CCDC59: variants seen among roughly 807,000 people sequenced by gnomAD.
CCDC59 encodes coiled-coil domain containing 59.
A neutral mutation model predicts 30.5 loss-of-function variants in CCDC59; 27 were observed. That is an observed-to-expected ratio of 0.89 (90% CI 0.65 to 1.22). The LOEUF (loss-of-function observed/expected upper bound fraction) is 1.22, where lower values mean the gene tolerates loss of function less well. CCDC59 is among the 50% of genes most tolerant of loss of function. CCDC59 has a pLI of 0.00. For synonymous variants in CCDC59, 125 were observed against 100.9 expected (o/e 1.24, Z -1.43); for missense variants, 362 against 284.4 (o/e 1.27, Z -1.96).
chr12:82,355,129 C>T (rs1880969903), intron 2 of CCDC59: 1 of 152,532 alleles, frequency 6.6e-6, no homozygotes. Context: ...TTTCACTATA[C>T]TCTGTAACTA....
chr12:82,358,783 C>T (rs1391698848), upstream of CCDC59: 8 of 1,613,584 alleles, frequency 5.0e-6, no homozygotes, highest in East Asian at 2.2e-5. Context: ...GAGGCCCTGC[C>T]CTCAGAGACG....
In CCDC59 at chr12:82,353,388, A is replaced by G. The variant is rs116674865; in HGVS notation, c.565-76T>C. On this transcript the variant is annotated intron_variant, in intron 3 of 3. Coordinates refer to ENST00000256151, the MANE Select transcript of CCDC59 (RefSeq NM_014167.5). ...GTTCAGAAATTGTCTTGAAATAGCT[A>G]TTACTAAGCAAACACTCTAAGGTTT... The G allele has an allele frequency of 7.1e-4, 827 of 1,161,982 alleles. 4 individuals carry two copies. The African/African-American group carries it at 0.012, about 17-fold the overall frequency. 72.0% of individuals were successfully genotyped at this position (1,161,982 alleles called of 1,614,324 possible).
rs1212708188 is a variant in CCDC59, at chr12:82,352,870, A to C, written c.*281T>G. On this transcript the variant is annotated 3_prime_UTR_variant, in exon 4 of 4. Transcript: ENST00000256151. ...ATTTTTAAAAAATTTATTTCATATA[A>C]ATCTCATATGGTACAAAAGTATTAC... The C allele has an allele frequency of 3.6e-5, 8 of 222,130 alleles. No homozygotes were observed. Among genetic ancestry groups the C allele is most frequent in the Non-Finnish European group, 6.1e-5 (7 of 114,836 alleles). The allele number at this position is 222,130 out of a possible 1,614,324, so 13.8% of individuals were successfully genotyped here. A position where few individuals can be genotyped will look rare whatever the true frequency, so the allele number is the denominator to read the frequency against.
chr12:82,354,125 T>A (rs992286666), intron 3 of CCDC59, among the ~76,000 whole-genome samples: 7 of 152,070 alleles, frequency 4.6e-5, no homozygotes, highest in Admixed American at 4.6e-4. Flanking sequence ...GTTATGAAAA[T>A]CATCTATATT....
chr12:82,356,959 C>T lies in CCDC59; in HGVS notation c.464+1G>A. 7 of 1,596,024 alleles carry T rather than the reference C, an allele frequency of 4.4e-6. No individual in the cohort carries two copies. The highest frequency in any genetic ancestry group is 5.1e-6 in the Non-Finnish European group (6 of 1,166,112). On this transcript the variant is annotated splice_donor_variant, in intron 2 of 3. Coordinates refer to ENST00000256151, the MANE Select transcript of CCDC59 (RefSeq NM_014167.5). LOFTEE classifies it high-confidence loss of function. ...GGATTTCAAATGAAGAAAATACATA[C>T]TTTACTGTTTTAATACATTGTTCTT... is the stretch of plus-strand genomic sequence containing the variant.
chr12:82,358,792 C>T, upstream of CCDC59: 1 of 1,613,284 alleles, frequency 6.2e-7, no homozygotes, highest in Non-Finnish European at 8.5e-7. Flanking sequence ...CCCTCAGAGA[C>T]GCGCCCCCTA....
chr12:82,353,158 T>G lies in CCDC59; in HGVS notation c.719A>C (p.Lys240Thr), dbSNP rs754562723. 2 of 1,599,444 alleles carry G rather than the reference T, an allele frequency of 1.3e-6. No individual in the cohort carries two copies. The highest frequency in any genetic ancestry group is 1.8e-5 in the Admixed American group (1 of 56,860). Residue 240 changes from lysine to threonine, a missense_variant, in exon 4 of 4, where the codon AAA becomes ACA. Lys to Thr is a moderately conservative substitution (Grantham distance 78). Coordinates refer to ENST00000256151, the MANE Select transcript of CCDC59 (RefSeq NM_014167.5). ...CCTGTAGGAACAAAATGTTTAACAT[T>G]TTTCTTGTATTTTTTGAAGAAGGTA... ...MEYLLQKIQE[K>T]C
In CCDC59 at chr12:82,354,581, G is replaced by A. The variant is rs1206606632; in HGVS notation, c.478C>T (p.Pro160Ser). 10 of 1,577,444 alleles carry A rather than the reference G, an allele frequency of 6.3e-6. No individual in the cohort carries two copies. Among genetic ancestry groups the A allele is most frequent in the South Asian group, 1.2e-5 (1 of 86,856 alleles). ...GATGTTTTCTTTTTATTTTTCTTTGGAATTGTAAAGGAGCTTTTAATTGGG... is the reference window on the plus strand; with the variant it reads ...GATGTTTTCTTTTTATTTTTCTTTGAAATTGTAAAGGAGCTTTTAATTGGG... ...CIKTVNSFTI[P>S]KKNKKKTSNQ... Residue 160 changes from proline (P) to serine (S), a missense_variant, in exon 3 of 4, where the codon CCA becomes TCA. Coordinates refer to ENST00000256151, the MANE Select transcript of CCDC59 (RefSeq NM_014167.5).
At chr12:82,357,335 T>C in intron 1 of CCDC59, 66 bp from the exon 2 acceptor site, 1 of 1,345,202 alleles carries the variant, frequency 7.4e-7, no homozygotes, top group Non-Finnish European at 1.0e-6. Flanking sequence ...AATGGAGCTG[T>C]TAATTACAAA....
rs539941894 is a variant in CCDC59, at chr12:82,353,021, G to A, written c.*130C>T. ...AAATTTTTTACCATAATAAAAATATGTGAACATCTTATATTTAGCATAGTT... is the reference window on the plus strand; with the variant it reads ...AAATTTTTTACCATAATAAAAATATATGAACATCTTATATTTAGCATAGTT... On this transcript the variant is annotated 3_prime_UTR_variant, in exon 4 of 4. Transcript: ENST00000256151. 7.7e-6 allele frequency: 5 copies of A among 645,308 alleles called. No homozygotes were observed. In the East Asian group the frequency reaches 1.2e-4, roughly 15 times the overall value. 40.0% of individuals were successfully genotyped at this position (645,308 alleles called of 1,614,324 possible).
At chr12:82,358,667 C>T, upstream of CCDC59, 3 of 1,614,166 alleles carry the variant, frequency 1.9e-6, no homozygotes, top group African/African-American at 1.3e-5. Context: ...TGTCCATTTC[C>T]AATGCACATA....
Position 82,358,319 on chromosome 12 carries a change from C to T in CCDC59, c.58G>A (p.Glu20Lys). The T allele has an allele frequency of 6.2e-7, 1 of 1,614,160 alleles. No individual in the cohort carries two copies. Among genetic ancestry groups the T allele is most frequent in the South Asian group, 1.1e-5 (1 of 91,090 alleles). Residue 20 changes from glutamate to lysine, a missense_variant, in exon 1 of 4, where the codon GAA (glutamate) becomes AAA (lysine). Glu to Lys is a moderately conservative substitution (Grantham distance 56). Transcript: ENST00000256151. Reference sequence around the variant, plus strand: ...CTGTACCCGACAGTGGAAACCCCTTCACCACGCGCCTCAATACCACCAGGC... The same window carrying T: ...CTGTACCCGACAGTGGAAACCCCTTTACCACGCGCCTCAATACCACCAGGC... ...WRPGGIEARGEGVSTVGYRNK... is the reference protein window; with the variant it reads ...WRPGGIEARGKGVSTVGYRNK...
chr12:82,354,543 T>G lies in CCDC59; in HGVS notation c.516A>C (p.Ala172=). 9 of 1,603,158 alleles carry G rather than the reference T, an allele frequency of 5.6e-6. No individual in the cohort carries two copies. The highest frequency in any genetic ancestry group is 6.8e-6 in the Non-Finnish European group (8 of 1,173,304). ...KNKKKTSNQK[A]QEEYEQIQAK... is the part of the protein sequence containing the mutation. Reference sequence around the variant, plus strand: ...CTTGTATCTGTTCATATTCTTCTTGTGCTTTTTGATTTGATGTTTTCTTTT... The same window carrying G: ...CTTGTATCTGTTCATATTCTTCTTGGGCTTTTTGATTTGATGTTTTCTTTT... Residue 172 remains alanine (A), a synonymous_variant, in exon 3 of 4, where the codon GCA becomes GCC. Coordinates refer to ENST00000256151, the MANE Select transcript of CCDC59 (RefSeq NM_014167.5).
rs1354107569 is a variant in CCDC59, at chr12:82,352,936, T to C, written c.*215A>G. On this transcript the variant is annotated 3_prime_UTR_variant, in exon 4 of 4. Coordinates refer to ENST00000256151, the MANE Select transcript of CCDC59 (RefSeq NM_014167.5). Reference sequence around the variant, plus strand: ...TTGCAAAATAAGAGGTTCTTTCAGTTCTTCAGGCCAACCTTCCTTCAGAGG... The same window carrying C: ...TTGCAAAATAAGAGGTTCTTTCAGTCCTTCAGGCCAACCTTCCTTCAGAGG... 1 of 389,936 alleles carries C rather than the reference T, an allele frequency of 2.6e-6. No individual in the cohort carries two copies. Among genetic ancestry groups the C allele is most frequent in the Non-Finnish European group, 4.5e-6 (1 of 220,202 alleles). 24.2% of individuals were successfully genotyped at this position (389,936 alleles called of 1,614,324 possible).
intron 2 of CCDC59, chr12:82,356,187 G>A (rs992932544): frequency 2.0e-5 from 3 of 152,122 alleles, no homozygotes; most frequent in Admixed American, 2.0e-4. Context: ...CCAGCTTCTT[G>A]CAATTTTAGA....
intron 2 of CCDC59, among the ~76,000 whole-genome samples, chr12:82,356,384 T>C (rs1881010325): frequency 6.6e-6 from 1 of 152,196 alleles, no homozygotes; most frequent in South Asian, 2.1e-4. Context: ...ATATACCCTT[T>C]AAGATCCTCA....
In CCDC59 at chr12:82,358,387, T is replaced by C. The variant is rs777097909; in HGVS notation, c.-11A>G. On this transcript the variant is annotated 5_prime_UTR_variant, in exon 1 of 4. Transcript: ENST00000256151. ...CCTCACCGGCGCCATTGCAGCCGAC[T>C]AACTGCGTCATCAGAAGACCACGAC... 6.2e-7 allele frequency: 1 copy of C among 1,612,744 alleles called. No individual in the cohort carries two copies. Among genetic ancestry groups the C allele is most frequent in the East Asian group, 2.2e-5 (1 of 44,874 alleles).
At chr12:82,354,682 A>G in intron 2 of CCDC59, 88 bp from the exon 3 acceptor site, 2 of 1,158,122 alleles carry the variant, frequency 1.7e-6, no homozygotes, top group South Asian at 4.6e-5. Flanking sequence ...TTAAGAGTAT[A>G]TATTAAATAA....
chr12:82,357,803 T>G (rs981343917), intron 1 of CCDC59, among the ~76,000 whole-genome samples: 3 of 152,156 alleles, frequency 2.0e-5, no homozygotes, highest in African/African-American at 7.2e-5. Context: ...CAGACAGCAA[T>G]ACAAAATGAC....
Sources: gnomAD v4.1 joint callset for allele counts (sites outside exome capture counted in the v4.1 genomes callset) on GRCh38, gnomAD v4.1.1 for gene constraint, MANE v1.5 for transcripts, NCBI Gene and HGNC (gene_info 2026-07-23, HGNC 2026-07-21) for gene names.